The following GPR158 variants were observed in gnomAD, a reference collection of about 807,000 sequenced individuals.
GPR158 encodes the protein G protein-coupled receptor 158, also known as metabotropic glycine receptor.
Under a neutral mutation model 78.2 loss-of-function variants are expected in GPR158, and 30 were observed. The ratio of observed to expected loss-of-function variants is 0.38; its 90% CI spans 0.29 to 0.52. GPR158 has a LOEUF of 0.52. GPR158 is among the 20% of genes least tolerant of loss of function. The pLI is 0.83. For synonymous variants in GPR158, 581 were observed against 591.1 expected, an observed-to-expected ratio of 0.98 and a Z score of 0.25; for missense variants, 1,463 against 1,523.5, an observed-to-expected ratio of 0.96 and a Z score of 0.66.
chr10:25,378,288 G>T lies in GPR158; in HGVS notation c.1009-17623G>T, dbSNP rs1041547587. ...ATTTCTAAGAGCATCTATTAATTGT[G>T]CTTGTTTTGTCCTTTGTATAAATGT... is the stretch of plus-strand genomic sequence containing the variant. On this transcript the variant is annotated intron_variant, in intron 2 of 10. Transcript: ENST00000376351. Among the ~76,000 whole-genome samples the T allele has an allele frequency of 3.9e-5, 6 of 152,142 alleles. No homozygotes were observed. The South Asian group carries it at 1.0e-3, about 26-fold the overall frequency.
chr10:25,458,641 AC>A (rs754036500), intron 4 of GPR158, among the ~76,000 whole-genome samples: 155 of 152,344 alleles, frequency 1.0e-3, no homozygotes, highest in Middle Eastern at 3.4e-3. Context: ...GCAACAATAT[AC>A]ACCTGGGCAT....
chr10:25,461,733 CTTTTTTTTTTT>C (rs35604549), intron 4 of GPR158, among the ~76,000 whole-genome samples: 2 of 132,520 alleles, frequency 1.5e-5, no homozygotes, highest in Non-Finnish European at 3.2e-5. Flanking sequence ...CTAGGACTTT[CTTTTTTTTTTT>C]TTTTTTGAGA....
chr10:25,252,298 CCTT>C (rs1195652720), intron 2 of GPR158, among the ~76,000 whole-genome samples: 8 of 151,852 alleles, frequency 5.3e-5, no homozygotes, highest in African/African-American at 1.4e-4. Flanking sequence ...TCGTCTGAAG[CCTT>C]CTTCTCTCAG....
At chr10:25,192,857 C>T (rs979326205) in intron 1 of GPR158, among the ~76,000 whole-genome samples, 4 of 151,784 alleles carry the variant, frequency 2.6e-5, no homozygotes, top group Admixed American at 2.6e-4. Flanking sequence ...TACTTTGGTA[C>T]AGCATTCAAT....
chr10:25,466,782 C>A, intron 5 of GPR158, 63 bp downstream of exon 5: 2 of 832,492 alleles, frequency 2.4e-6, no homozygotes, highest in Non-Finnish European at 3.9e-6. Flanking sequence ...TATAAAGTTA[C>A]TGTTTACACA....
intron 1 of GPR158, among the ~76,000 whole-genome samples, chr10:25,201,941 G>T (rs1400878437): frequency 6.6e-6 from 1 of 151,830 alleles, no homozygotes; most frequent in East Asian, 1.9e-4. Flanking sequence ...ATTTTTTTGT[G>T]TGTGCCTCTG....
At chr10:25,260,146 A>T (rs939562182) in intron 2 of GPR158, among the ~76,000 whole-genome samples, 1 of 152,170 alleles carries the variant, frequency 6.6e-6, no homozygotes, top group African/African-American at 2.4e-5. Context: ...TGACTACGGC[A>T]CATAACATTT....
chr10:25,208,189 T>A (rs1466894211), intron 1 of GPR158, among the ~76,000 whole-genome samples: 1 of 152,212 alleles, frequency 6.6e-6, no homozygotes, highest in East Asian at 1.9e-4. Context: ...CATTGTTATT[T>A]CAATTGATTT....
chr10:25,467,143 T>C (rs2130618391), intron 5 of GPR158, among the ~76,000 whole-genome samples: 1 of 152,218 alleles, frequency 6.6e-6, no homozygotes, highest in East Asian at 1.9e-4. Context: ...CAATTTGAAG[T>C]GTGGGGGACT....
rs11384299 is a variant in GPR158 at position 25,457,140 on chromosome 10, C to CTTT, written c.1336-9487_1336-9485dup. ...GGTGCCTGCCAGCCACCATGCCCAC[C>CTTT]TTTTTTTTTTTTTTTTTTTTTTTTT... On this transcript the variant is annotated intron_variant, in intron 4 of 10. Coordinates refer to ENST00000376351, the MANE Select transcript of GPR158 (RefSeq NM_020752.3). 5.1e-3 allele frequency among the ~76,000 whole-genome samples: 303 copies of CTTT among 59,400 alleles called. 42 individuals are homozygous for CTTT. Among genetic ancestry groups the CTTT allele is most frequent in the Middle Eastern group, 0.016 (1 of 62 alleles). The allele number at this position is 59,400 out of a possible 152,430, so 39.0% of individuals were successfully genotyped here.
At chr10:25,376,330 A>C (rs891896006) in intron 2 of GPR158, among the ~76,000 whole-genome samples, 2 of 151,664 alleles carry the variant, frequency 1.3e-5, no homozygotes, top group Non-Finnish European at 3.0e-5. Flanking sequence ...ATACTTAAAC[A>C]ATCTTAAAAC....
intron 4 of GPR158, among the ~76,000 whole-genome samples, chr10:25,424,174 T>C (rs7920099): frequency 0.7 from 105,639 of 151,368 alleles, 37,842 homozygotes; most frequent in Non-Finnish European, 0.8. Flanking sequence ...GCTGCATAAA[T>C]GTCTTCTTTT....
At chr10:25,444,290 G>T (rs1835108265) in intron 4 of GPR158, among the ~76,000 whole-genome samples, 1 of 151,294 alleles carries the variant, frequency 6.6e-6, no homozygotes, top group Non-Finnish European at 1.5e-5. Flanking sequence ...TGTGAGTGGG[G>T]GTGAGGGTAT....
At chr10:25,351,109 T>C (rs1437597804) in intron 2 of GPR158, among the ~76,000 whole-genome samples, 1 of 151,964 alleles carries the variant, frequency 6.6e-6, no homozygotes, top group Non-Finnish European at 1.5e-5. Flanking sequence ...CGCGTGGCTA[T>C]TTATAGAGAA....
At chr10:25,419,040 G>A (rs1434471547) in intron 4 of GPR158, among the ~76,000 whole-genome samples, 1 of 151,646 alleles carries the variant, frequency 6.6e-6, no homozygotes, top group Non-Finnish European at 1.5e-5. Flanking sequence ...TGACTATTTT[G>A]GTAAAATAAA....
chr10:25,311,828 A>ATG (rs10692802), intron 2 of GPR158, among the ~76,000 whole-genome samples: 30,678 of 151,748 alleles, frequency 0.2, 5,223 homozygotes, highest in African/African-American at 0.47. Flanking sequence ...ACAGTTAAGA[A>ATG]TTTTTTTAAC....
chr10:25,306,140 A>C (rs990611199), intron 2 of GPR158, among the ~76,000 whole-genome samples: 4 of 152,016 alleles, frequency 2.6e-5, no homozygotes, highest in African/African-American at 9.7e-5. Flanking sequence ...CTAATCTGTT[A>C]TCTCTCTACC....
chr10:25,595,562 T>C (rs189723554), intron 9 of GPR158, among the ~76,000 whole-genome samples: 13 of 152,354 alleles, frequency 8.5e-5, no homozygotes, highest in African/African-American at 3.1e-4. Context: ...TGGATTATTA[T>C]TTGTCAGTAA....
chr10:25,484,947 T>G (rs1835712924), intron 5 of GPR158, among the ~76,000 whole-genome samples: 1 of 152,148 alleles, frequency 6.6e-6, no homozygotes, highest in Non-Finnish European at 1.5e-5. Context: ...TTAAAGAATT[T>G]TAACAGTCTC....
Sources: gnomAD v4.1 joint callset for allele counts (sites outside exome capture counted in the v4.1 genomes callset) on GRCh38, gnomAD v4.1.1 for gene constraint, MANE v1.5 for transcripts, NCBI Gene and HGNC (gene_info 2026-07-23, HGNC 2026-07-21) for gene names.